Variants in NEIL1 observed in about 807,000 individuals in gnomAD.
NEIL1 encodes endonuclease 8-like 1.
A neutral mutation model predicts 44.2 loss-of-function variants in NEIL1; 31 were observed. The observed-to-expected ratio is 0.70, with a 90% CI of 0.53 to 0.95. The LOEUF is 0.95. NEIL1 is among the 40% of genes least tolerant of loss of function. NEIL1 has a pLI of 0.00. For missense variants in NEIL1, 549 were observed against 515.5 expected (o/e 1.07, Z -0.63); for synonymous variants, 254 against 209.7 (o/e 1.21, Z -1.83).
chr15:75,356,931 T>C lies in NEIL1; in HGVS notation c.*1897T>C, dbSNP rs770189630. 5.7e-6 allele frequency: 9 copies of C among 1,584,158 alleles called. No individual in the cohort carries two copies. In the South Asian group the frequency reaches 8.8e-5, roughly 16 times the overall value. The stretch of plus-strand genomic sequence containing the variant: ...GAGGGCAGATCCAAGACCCACTTGG[T>C]GGCCCTGTGCCCCTCTTTGTGCTCC... On this transcript the variant is annotated 3_prime_UTR_variant, in exon 10 of 10. Coordinates refer to ENST00000355059, the MANE Select transcript of NEIL1 (RefSeq NM_024608.4). This position sits in a 1 kb window ranked among gnomAD's most constrained non-coding sequence, Gnocchi z 5.8.
Position 75,356,217 on chromosome 15 carries a change from C to T in NEIL1, c.*1183C>T, listed in dbSNP as rs766652820. The T allele has an allele frequency of 3.7e-6, 6 of 1,612,922 alleles. No homozygotes were observed. The highest frequency in any genetic ancestry group is 1.7e-5 in the Admixed American group (1 of 59,942). On this transcript the variant is annotated 3_prime_UTR_variant, in exon 10 of 10. Transcript: ENST00000355059. This position sits in a 1 kb window ranked among gnomAD's most constrained non-coding sequence, Gnocchi z 5.8. ...GCGAGCGGCGCTGGGGGCTGCTCTC[C>T]GCCTGCAGAGGAACACGTCTGGTGG...
chr15:75,356,786 C>T lies in NEIL1; in HGVS notation c.*1752C>T. Reference sequence around the variant, plus strand: ...CAGCTCCCAGGCCTGGTGGGTACCCCACTTACAGCGAGAGGCTGAGGATGC... The same window carrying T: ...CAGCTCCCAGGCCTGGTGGGTACCCTACTTACAGCGAGAGGCTGAGGATGC... On this transcript the variant is annotated 3_prime_UTR_variant, in exon 10 of 10. Coordinates refer to ENST00000355059, the MANE Select transcript of NEIL1 (RefSeq NM_024608.4). The surrounding 1 kb of genome is among the most constrained non-coding windows in gnomAD (Gnocchi z 5.8). The T allele has an allele frequency of 6.2e-7, 1 of 1,614,008 alleles. No individual in the cohort carries two copies. The highest frequency in any genetic ancestry group is 8.5e-7 in the Non-Finnish European group (1 of 1,180,006).
At position 75,349,107 on chromosome 15, in the gene NEIL1, C is replaced by A; in HGVS notation, c.202C>A (p.Pro68Thr). ...ACTGAGCCCTCTGCCTGGGGCCCAG[C>A]CCCAACAGGAGCCACTGGCCCTGGT... ...LILSPLPGAQ[P>T]QQEPLALVFR... Residue 68 changes from proline (P) to threonine (T), a missense_variant, in exon 2 of 10, where the codon CCC becomes ACC. Physicochemically the swap from Pro to Thr is conservative, Grantham distance 38. Coordinates refer to ENST00000355059, the MANE Select transcript of NEIL1 (RefSeq NM_024608.4). 2.5e-6 allele frequency: 4 copies of A among 1,612,016 alleles called. No individual in the cohort carries two copies. Among genetic ancestry groups the A allele is most frequent in the African/African-American group, 1.3e-5 (1 of 75,074 alleles).
In NEIL1 at chr15:75,349,181, G is replaced by A; in HGVS notation, c.276G>A (p.Glu92=). ...CTTTTCAGCTGGTGCCCCGCGAGGA[G>A]CTGCCACGCCATGCCCACCTGCGCT... The part of the protein sequence containing the change: ...SGSFQLVPRE[E]LPRHAHLRFY... Residue 92 remains glutamate (E), a synonymous_variant, in exon 2 of 10, where the codon GAG becomes GAA. Coordinates refer to ENST00000355059, the MANE Select transcript of NEIL1 (RefSeq NM_024608.4). The A allele has an allele frequency of 6.2e-7, 1 of 1,609,062 alleles. No individual in the cohort carries two copies. Among genetic ancestry groups the A allele is most frequent in the Non-Finnish European group, 8.5e-7 (1 of 1,179,878 alleles).
In NEIL1 at chr15:75,353,834, C is replaced by A; in HGVS notation, c.814C>A (p.Gln272Lys). The part of the protein sequence containing the change: ...CYGMPGMSSL[Q>K]DRHGRTIWFQ... ...TGGCATGCCAGGCATGAGCTCCCTG[C>A]AGGACCGGCATGGCCGTACCATCTG... Residue 272 changes from glutamine to lysine, a missense_variant, in exon 6 of 10, where the codon CAG (glutamine) becomes AAG (lysine). Coordinates refer to ENST00000355059, the MANE Select transcript of NEIL1 (RefSeq NM_024608.4). 1.2e-6 allele frequency: 2 copies of A among 1,613,508 alleles called. No individual in the cohort carries two copies. Among genetic ancestry groups the A allele is most frequent in the Non-Finnish European group, 1.7e-6 (2 of 1,180,006 alleles).
At chr15:75,351,819 A>C (rs572250397) in intron 2 of NEIL1, 1 of 340,586 alleles carries the variant, frequency 2.9e-6, no homozygotes, top group Non-Finnish European at 5.7e-6. Context: ...ACAGGGTTTC[A>C]CCATGTTGGC....
At chr15:75,353,398 AT>A (rs34765858) in intron 5 of NEIL1, 21 of 338,756 alleles carry the variant, frequency 6.2e-5, no homozygotes, top group Middle Eastern at 1.1e-3. Context: ...ATTGTTAAAA[AT>A]TTTTTTTGTA....
intron 2 of NEIL1, chr15:75,351,362 A>T (rs1159711374): frequency 9.4e-5 from 39 of 416,954 alleles, no homozygotes; most frequent in Admixed American, 3.0e-4. Context: ...TGCAGCCTTA[A>T]CCTCCAGGGC....
chr15:75,352,001 T>C, intron 2 of NEIL1, 110 bp from the exon 3 acceptor site: 1 of 985,522 alleles, frequency 1.0e-6, no homozygotes, highest in African/African-American at 1.6e-5. Flanking sequence ...AGAGGAACTG[T>C]AACTCCCAGT....
intron 1 of NEIL1, chr15:75,348,120 C>G (rs368538106): frequency 2.5e-6 from 2 of 811,766 alleles, no homozygotes; most frequent in East Asian, 2.1e-4. Context: ...GGAGCCCTTC[C>G]TGGTGCCCGC....
intron 7 of NEIL1, 35 bp from the exon 8 acceptor site, chr15:75,354,396 T>C (rs572710464): frequency 6.2e-7 from 1 of 1,613,832 alleles, no homozygotes; most frequent in South Asian, 1.1e-5. Context: ...CTGGGCAGGA[T>C]AGGACCCTCC....
At chr15:75,348,484 T>A in intron 1 of NEIL1, 1 of 1,031,176 alleles carries the variant, frequency 9.7e-7, no homozygotes, top group South Asian at 3.8e-5. Context: ...AGATGGGGGG[T>A]CAGGAAGTCT....
rs149441345 is a variant in NEIL1, at chr15:75,356,971, C to T, written c.*1937C>T. 154 of 1,295,326 alleles carry T rather than the reference C, an allele frequency of 1.2e-4. No homozygotes were observed. In the African/African-American group the frequency reaches 2.1e-3, roughly 18 times the overall value. The allele number at this position is 1,295,326 out of a possible 1,614,324, so 80.2% of individuals were successfully genotyped here. A position where few individuals can be genotyped will look rare whatever the true frequency, so the allele number is the denominator to read the frequency against. On this transcript the variant is annotated 3_prime_UTR_variant, in exon 10 of 10. Transcript: ENST00000355059. This position sits in a 1 kb window ranked among gnomAD's most constrained non-coding sequence, Gnocchi z 5.8. Reference sequence around the variant, plus strand: ...CTTTGTGCTCCCAGACTCCAGAGCTCCTGTCACTAGGCCGAGCACAAGCTC... The same window carrying T: ...CTTTGTGCTCCCAGACTCCAGAGCTTCTGTCACTAGGCCGAGCACAAGCTC...
At chr15:75,353,224 T>TACACACACACACACACAC (rs10653888) in intron 5 of NEIL1, 29 of 163,014 alleles carry the variant, frequency 1.8e-4, no homozygotes, top group African/African-American at 6.2e-4. Context: ...TATATATTTA[T>TACACACACACACACACAC]ACACACACAC....
At position 75,353,739 on chromosome 15, in the gene NEIL1, G is replaced by T. The variant is rs151054440; in HGVS notation, c.719G>T (p.Gly240Val). ...CTCTGCCTGTTCCTCTGTCCCACAG[G>T]GGGCAAAGGCTACGGGTCAGAGAGC... is the stretch of plus-strand genomic sequence containing the variant. ...HSVPKEVVQL[G>V]GKGYGSESGE... The change falls in exon 6 of 10, where the codon GGG (glycine) becomes GTG (valine). Residue 240 changes from glycine to valine, a missense_variant and splice_region_variant. Gly to Val is a moderately radical substitution (Grantham distance 109). Coordinates refer to ENST00000355059, the MANE Select transcript of NEIL1 (RefSeq NM_024608.4). 5.6e-6 allele frequency: 9 copies of T among 1,613,920 alleles called. No homozygotes were observed. Among genetic ancestry groups the T allele is most frequent in the Non-Finnish European group, 7.6e-6 (9 of 1,179,934 alleles).
At chr15:75,350,607 T>C (rs1595857497) in intron 2 of NEIL1, among the ~76,000 whole-genome samples, 1 of 152,302 alleles carries the variant, frequency 6.6e-6, no homozygotes, top group East Asian at 1.9e-4. Context: ...CTTGGATACC[T>C]GTGGGATGGG....
At chr15:75,348,396 C>CATT in intron 1 of NEIL1, 1 of 986,566 alleles carries the variant, frequency 1.0e-6, no homozygotes, top group Non-Finnish European at 1.2e-6. Context: ...GGAGGGGCGG[C>CATT]CACGCGATCC....
At position 75,354,437 on chromosome 15, in the gene NEIL1, A is replaced by C; in HGVS notation, c.881A>C (p.Lys294Thr). ...CAACACCAGTGTCCTGCAGGGCGCAAGTCCCGCAAAAAGAAATCCAAGGCC... is the reference window on the plus strand; with the variant it reads ...CAACACCAGTGTCCTGCAGGGCGCACGTCCCGCAAAAAGAAATCCAAGGCC... ...DPGPLAPKGR[K>T]SRKKKSKATQ... is the part of the protein sequence containing the mutation. Residue 294 changes from lysine to threonine, a missense_variant, in exon 8 of 10, where the codon AAG becomes ACG. Coordinates refer to ENST00000355059, the MANE Select transcript of NEIL1 (RefSeq NM_024608.4). 1 of 1,614,180 alleles carries C rather than the reference A, an allele frequency of 6.2e-7. No individual in the cohort carries two copies. Among genetic ancestry groups the C allele is most frequent in the Non-Finnish European group, 8.5e-7 (1 of 1,180,018 alleles).
At position 75,355,732 on chromosome 15, in the gene NEIL1, CAGACTT is replaced by C; in HGVS notation, c.*699_*704del. On this transcript the variant is annotated 3_prime_UTR_variant, in exon 10 of 10. Coordinates refer to ENST00000355059, the MANE Select transcript of NEIL1 (RefSeq NM_024608.4). ...AAATACCTGGGAAGCCATCCCACCC[CAGACTT>C]CCCACCCCCACCCCAAGCGTGAGGA... The C allele has an allele frequency of 1.1e-5, 7 of 612,474 alleles. No individual in the cohort carries two copies. Among genetic ancestry groups the C allele is most frequent in the Non-Finnish European group, 1.6e-5 (6 of 372,510 alleles). The allele number at this position is 612,474 out of a possible 1,614,324, so 37.9% of individuals were successfully genotyped here. A position where few individuals can be genotyped will look rare whatever the true frequency, so the allele number is the denominator to read the frequency against.
Sources: gnomAD v4.1 joint callset for allele counts (sites outside exome capture counted in the v4.1 genomes callset) on GRCh38, gnomAD v4.1.1 for gene constraint, Gnocchi (gnomAD v3.1) non-coding constraint, MANE v1.5 for transcripts, NCBI Gene and HGNC (gene_info 2026-07-23, HGNC 2026-07-21) for gene names.